Variants in SYMPK observed in about 807,000 individuals in gnomAD.
SYMPK encodes symplekin.
SYMPK carries 49 observed loss-of-function variants against 136.4 expected under a neutral mutation model. The observed-to-expected ratio is 0.36, with a 90% confidence interval of 0.29 to 0.46. The LOEUF (loss-of-function observed/expected upper bound fraction) is 0.46, where lower values mean the gene tolerates loss of function less well. Among genes scored for constraint, SYMPK ranks in the 20% least tolerant of loss-of-function variants. The pLI is 1.00. For missense variants in SYMPK, 1,365 were observed against 1,690.0 expected (o/e 0.81, Z 3.37); for synonymous variants, 766 against 713.0 (o/e 1.07, Z -1.19).
chr19:45,840,393 G>A (rs1971407428), intron 9 of SYMPK, among the ~76,000 whole-genome samples: 1 of 151,024 alleles, frequency 6.6e-6, no homozygotes, highest in African/African-American at 2.4e-5. Context: ...GCCAGGTGCA[G>A]TGGCTCACGC....
intron 16 of SYMPK, among the ~76,000 whole-genome samples, chr19:45,826,861 A>C (rs1249792375): frequency 6.6e-6 from 1 of 152,240 alleles, no homozygotes; most frequent in Non-Finnish European, 1.5e-5. Context: ...AACGCTACCC[A>C]GCAAGGGCTG....
chr19:45,854,559 G>A (rs1971776667), intron 1 of SYMPK, 52 bp from the exon 2 acceptor site: 2 of 1,477,526 alleles, frequency 1.4e-6, no homozygotes. Flanking sequence ...CCAGCGGATG[G>A]GCTGGGCTGG....
In SYMPK at chr19:45,817,965, CATG is replaced by C; in HGVS notation, c.3072_3074del (p.Ile1024del). On this transcript the variant is annotated inframe_deletion, in exon 23 of 27. Coordinates refer to ENST00000245934, the MANE Select transcript of SYMPK (RefSeq NM_004819.3). ...GTGGCCGGGGATGGGTTACCTGCTTCATGATGAGGCGGGACAGGATGTTCATGA... is the reference window on the plus strand; with the variant it reads ...GTGGCCGGGGATGGGTTACCTGCTTCATGAGGCGGGACAGGATGTTCATGA... 1 of 1,578,338 alleles carries C rather than the reference CATG, an allele frequency of 6.3e-7. No individual in the cohort carries two copies. The highest frequency in any genetic ancestry group is 1.8e-5 in the Admixed American group (1 of 54,980).
chr19:45,816,761 GT>G lies in SYMPK; in HGVS notation c.3258+36del, dbSNP rs746054451. On this transcript the variant is annotated intron_variant, in intron 24 of 26. Transcript: ENST00000245934. ...GGGGGCCGCCCACCGCACACCCTGGGTGGGGGGAAAGGGTACCTGGTGGGGG... is the reference window on the plus strand; with the variant it reads ...GGGGGCCGCCCACCGCACACCCTGGGGGGGGGAAAGGGTACCTGGTGGGGG... 6.0e-6 allele frequency: 9 copies of G among 1,500,630 alleles called. No individual in the cohort carries two copies. The East Asian group carries it at 2.2e-4, about 37-fold the overall frequency. The allele number at this position is 1,500,630 out of a possible 1,614,324, so 93.0% of individuals were successfully genotyped here. A position where few individuals can be genotyped will look rare whatever the true frequency, so the allele number is the denominator to read the frequency against.
chr19:45,835,655 C>T (rs953334605), intron 10 of SYMPK, among the ~76,000 whole-genome samples: 5 of 152,056 alleles, frequency 3.3e-5, no homozygotes, highest in Non-Finnish European at 5.9e-5. Flanking sequence ...GTCATGCCTG[C>T]AATCCCAGCA....
intron 25 of SYMPK, 110 bp from the exon 26 acceptor site, chr19:45,816,293 G>A: frequency 1.8e-6 from 2 of 1,100,810 alleles, no homozygotes; most frequent in Non-Finnish European, 2.5e-6. Flanking sequence ...CCAAGAGCAT[G>A]GGGAGGAAGG....
At position 45,842,325 on chromosome 19, in the gene SYMPK, T is replaced by C. The variant is rs1971460524; in HGVS notation, c.1012A>G (p.Asn338Asp). 1 of 1,614,106 alleles carries C rather than the reference T, an allele frequency of 6.2e-7. No homozygotes were observed. Among genetic ancestry groups the C allele is most frequent in the Admixed American group, 1.7e-5 (1 of 60,012 alleles). ...CGGGTGTCCTTGCTGCTCGGCATGT[T>C]GCGGGCGATCTCGGCCTGAGGTGTG... The part of the protein sequence containing the change: ...LGTPQAEIAR[N>D]MPSSKDTRKR... Residue 338 changes from asparagine (N) to aspartate (D), a missense_variant, in exon 9 of 27, where the codon AAC becomes GAC. This residue lies in a region of SYMPK where 111 missense variants were observed against 141.2 expected (regional missense o/e 0.79). Coordinates refer to ENST00000245934, the MANE Select transcript of SYMPK (RefSeq NM_004819.3).
chr19:45,838,559 TCCC>T lies in SYMPK; in HGVS notation c.1141_1143del (p.Gly381del). 1 of 1,614,050 alleles carries T rather than the reference TCCC, an allele frequency of 6.2e-7. No homozygotes were observed. The highest frequency in any genetic ancestry group is 8.5e-7 in the Non-Finnish European group (1 of 1,180,022). On this transcript the variant is annotated inframe_deletion, in exon 10 of 27. Transcript: ENST00000245934. ...GAGATCTGCGCTGAGGCCTTCGAGG[TCCC>T]CGACGGGCCTGGCTCCAAGTCTTTG...
At chr19:45,835,323 T>A (rs1460331489) in intron 10 of SYMPK, 95 bp from the exon 11 acceptor site, 1 of 1,289,382 alleles carries the variant, frequency 7.8e-7, no homozygotes. Flanking sequence ...TGGCAGTGCC[T>A]AAGACCGACT....
intron 10 of SYMPK, among the ~76,000 whole-genome samples, chr19:45,837,450 C>T (rs1051074926): frequency 6.6e-6 from 1 of 151,920 alleles, no homozygotes; most frequent in Non-Finnish European, 1.5e-5. Context: ...AACCCTGTCT[C>T]TGCTAAAAAC....
At chr19:45,828,365 A>G (rs1165430892) in intron 14 of SYMPK, 5 of 188,484 alleles carry the variant, frequency 2.7e-5, no homozygotes, top group South Asian at 1.0e-4. Context: ...TGAATTTGAC[A>G]TGTTCGAGGA....
chr19:45,856,891 C>A (rs1971834128), intron 1 of SYMPK, among the ~76,000 whole-genome samples: 1 of 151,904 alleles, frequency 6.6e-6, no homozygotes, highest in Non-Finnish European at 1.5e-5. Flanking sequence ...CTGAGGTAGG[C>A]AGAACACCTG....
chr19:45,822,425 G>T (rs1381963795), intron 21 of SYMPK, among the ~76,000 whole-genome samples: 1 of 152,186 alleles, frequency 6.6e-6, no homozygotes, highest in Non-Finnish European at 1.5e-5. Flanking sequence ...CTGGCCCACA[G>T]CTTGAGGGAT....
intron 18 of SYMPK, among the ~76,000 whole-genome samples, chr19:45,824,675 C>T (rs10500292): frequency 0.46 from 69,389 of 152,036 alleles, 16,338 homozygotes; most frequent in African/African-American, 0.55. Flanking sequence ...AGCAGACCTT[C>T]TAATCTCAGG....
chr19:45,826,432 T>C, intron 16 of SYMPK, 59 bp from the exon 17 acceptor site: 1 of 1,571,600 alleles, frequency 6.4e-7, no homozygotes, highest in Non-Finnish European at 8.7e-7. Context: ...AGAACAGCTA[T>C]TCCTGCGAGC....
In SYMPK at chr19:45,815,491, G is replaced by A. The variant is rs1352998558; in HGVS notation, c.*69C>T. The A allele has an allele frequency of 3.8e-5, 46 of 1,222,014 alleles. No homozygotes were observed. The highest frequency in any genetic ancestry group is 6.2e-5 in the Admixed American group (2 of 32,028). 75.7% of individuals were successfully genotyped at this position (1,222,014 alleles called of 1,614,324 possible). On this transcript the variant is annotated 3_prime_UTR_variant, in exon 27 of 27. Coordinates refer to ENST00000245934, the MANE Select transcript of SYMPK (RefSeq NM_004819.3). The stretch of plus-strand genomic sequence containing the variant: ...TATTTCTTTTTAAGGCAAAGCACCC[G>A]CAGGTCAAGCCCCGCCCCGTCCCCC...
rs748474165 is a variant in SYMPK, at chr19:45,854,486, C to T, written c.10G>A (p.Gly4Ser). MAS[G>S]SGDSVTRRSV... is the part of the protein sequence containing the mutation. ...CGACGGGTGACGCTGTCTCCACTGC[C>T]GCTCGCCATGGCTGCTGTCAGCTTG... is the stretch of plus-strand genomic sequence containing the variant. Residue 4 changes from glycine (G) to serine (S), a missense_variant, in exon 2 of 27, where the codon GGC (glycine) becomes AGC (serine). This residue lies in a region of SYMPK where 61 missense variants were observed against 80.7 expected (regional missense o/e 0.76). Coordinates refer to ENST00000245934, the MANE Select transcript of SYMPK (RefSeq NM_004819.3). The T allele has an allele frequency of 1.8e-5, 29 of 1,613,702 alleles. No individual in the cohort carries two copies. The Admixed American group carries it at 3.7e-4, about 20-fold the overall frequency.
chr19:45,827,438 G>T (rs1971068650), intron 16 of SYMPK, 72 bp downstream of exon 16: 1 of 1,045,170 alleles, frequency 9.6e-7, no homozygotes, highest in Admixed American at 1.8e-5. Flanking sequence ...GACGTGGGCT[G>T]GTTACTCAGG....
Position 45,823,882 on chromosome 19 carries a change from G to T in SYMPK, c.2491-7C>A. On this transcript the variant is annotated splice_region_variant and splice_polypyrimidine_tract_variant and intron_variant, in intron 18 of 26. Transcript: ENST00000245934. The stretch of plus-strand genomic sequence containing the variant: ...TCATGCCCATTCCTCGGATCTAGAG[G>T]CAGAGACAGGGATGACCAGACCCAG... 6.2e-7 allele frequency: 1 copy of T among 1,612,100 alleles called. No homozygotes were observed.
Sources: allele counts gnomAD v4.1 joint callset (sites outside exome capture counted in the v4.1 genomes callset), GRCh38; gene constraint gnomAD v4.1.1; regional missense constraint gnomAD v4.1.1; transcripts MANE v1.5; gene names NCBI Gene and HGNC (gene_info 2026-07-23, HGNC 2026-07-21).